ZNF721: variants seen among roughly 807,000 people sequenced by gnomAD.
ZNF721 encodes zinc finger protein 721.
Under a neutral mutation model 2.4 loss-of-function variants are expected in ZNF721, and 2 were observed. That is an observed-to-expected ratio of 0.82 (90% CI 0.34 to 2.58). The LOEUF (loss-of-function observed/expected upper bound fraction) is 2.58, where lower values mean the gene tolerates loss of function less well. Among genes scored for constraint, ZNF721 ranks in the 30% most tolerant of loss-of-function variants. The pLI, the probability that ZNF721 is intolerant of heterozygous loss-of-function variation, is 0.11. For missense variants in ZNF721, 1,187 were observed against 1,085.5 expected, an observed-to-expected ratio of 1.09 and a Z score of -1.31; for synonymous variants, 398 against 381.8, an observed-to-expected ratio of 1.04 and a Z score of -0.50.
At chr4:497,693 C>T (rs1360086649) in intron 1 of ZNF721, among the ~76,000 whole-genome samples, 1 of 146,980 alleles carries the variant, frequency 6.8e-6, no homozygotes, top group Middle Eastern at 3.4e-3. Context: ...TTGAGACCAT[C>T]CTGGCTAACA....
At chr4:450,974 T>A (rs371289751) in intron 2 of ZNF721, among the ~76,000 whole-genome samples, 9,957 of 108,730 alleles carry the variant, frequency 0.092, 1,268 homozygotes, top group Middle Eastern at 0.2. Context: ...TATATATATA[T>A]ATATATATAT....
At chr4:457,396 C>T (rs1420771264) in intron 2 of ZNF721, among the ~76,000 whole-genome samples, 5 of 152,088 alleles carry the variant, frequency 3.3e-5, no homozygotes, top group African/African-American at 1.2e-4. Flanking sequence ...AAAGACATGC[C>T]CTTGCTTGAG....
intron 2 of ZNF721, among the ~76,000 whole-genome samples, chr4:459,840 A>AG (rs1240962695): frequency 4.7e-4 from 70 of 149,496 alleles, no homozygotes; most frequent in Middle Eastern, 3.4e-3. Flanking sequence ...CAAAAAAAAA[A>AG]GGTGGGGGAG....
chr4:464,288 T>C (rs1259080674), intron 2 of ZNF721, among the ~76,000 whole-genome samples: 1 of 151,856 alleles, frequency 6.6e-6, no homozygotes, highest in African/African-American at 2.4e-5. Flanking sequence ...CTGGCCAACA[T>C]GGTGAAACCC....
At chr4:469,402 T>G (rs1715358514) in intron 2 of ZNF721, among the ~76,000 whole-genome samples, 1 of 152,098 alleles carries the variant, frequency 6.6e-6, no homozygotes, top group African/African-American at 2.4e-5. Context: ...ATCTAGTGTA[T>G]AACAATAAAT....
At chr4:480,429 T>G (rs999539491) in intron 1 of ZNF721, among the ~76,000 whole-genome samples, 1 of 152,158 alleles carries the variant, frequency 6.6e-6, no homozygotes, top group South Asian at 2.1e-4. Flanking sequence ...AAAACATTGG[T>G]CATCTTTTAT....
chr4:481,443 T>C (rs1186676685), intron 1 of ZNF721, among the ~76,000 whole-genome samples: 2 of 152,250 alleles, frequency 1.3e-5, no homozygotes, highest in Non-Finnish European at 2.9e-5. Context: ...GATTATTTTT[T>C]CAAATGTCTC....
At chr4:487,841 A>T (rs1052216) in intron 1 of ZNF721, among the ~76,000 whole-genome samples, 3 of 149,988 alleles carry the variant, frequency 2.0e-5, no homozygotes, top group South Asian at 2.1e-4. Context: ...ACTTCCTACA[A>T]CTAAACCAAA....
Position 441,716 on chromosome 4 carries a change from T to TC in ZNF721, c.2750dup (p.Asp918ArgfsTer2), listed in dbSNP as rs1553863115. 3.1e-6 allele frequency: 5 copies of TC among 1,610,276 alleles called. No homozygotes were observed. The highest frequency in any genetic ancestry group is 3.4e-5 in the Admixed American group (2 of 59,344). On this transcript the variant is annotated frameshift_variant, in exon 3 of 3. Transcript: ENST00000511833. LOFTEE classifies it high-confidence loss of function. The stretch of plus-strand genomic sequence containing the variant: ...TTCTTTACACTTGTATGGTTTTATC[T>TC]CCAGTATGAATTTTCTTATGTGCAT...
At chr4:469,881 T>C (rs992779813) in intron 2 of ZNF721, among the ~76,000 whole-genome samples, 10 of 152,148 alleles carry the variant, frequency 6.6e-5, no homozygotes, top group Middle Eastern at 3.2e-3. Flanking sequence ...AACAAAAGAA[T>C]AAAAGTAGAA....
At chr4:461,253 C>T (rs1471767874) in intron 2 of ZNF721, among the ~76,000 whole-genome samples, 1 of 152,212 alleles carries the variant, frequency 6.6e-6, no homozygotes, top group Non-Finnish European at 1.5e-5. Flanking sequence ...AGCTTATCCG[C>T]CATGATCAAC....
rs1714380565 is a variant in ZNF721, at chr4:444,009, T to G, written c.458A>C (p.Asn153Thr). The part of the protein sequence containing the change: ...GKDFGWYTDL[N>T]QHKKIHTGEK... ...TCCAGTATGAATTTTCTTGTGTTGA[T>G]TCAGGTCTGTGTACCATCCAAAGTC... Residue 153 changes from asparagine (N) to threonine (T), a missense_variant, in exon 3 of 3, where the codon AAT becomes ACT. Physicochemically the swap from Asn to Thr is moderately conservative, Grantham distance 65. Coordinates refer to ENST00000511833, the MANE Select transcript of ZNF721 (RefSeq NM_133474.4). 1 of 1,613,666 alleles carries G rather than the reference T, an allele frequency of 6.2e-7. No homozygotes were observed. The highest frequency in any genetic ancestry group is 8.5e-7 in the Non-Finnish European group (1 of 1,179,742).
chr4:472,695 A>C lies in ZNF721; in HGVS notation c.-87T>G, dbSNP rs535979814. ...TCTATGGCCACATCCCTGAATGTTA[A>C]GGGTTCCTGAAAATACATATGTATC... On this transcript the variant is annotated 5_prime_UTR_variant, in exon 2 of 3. Coordinates refer to ENST00000511833, the MANE Select transcript of ZNF721 (RefSeq NM_133474.4). 1.3e-5 allele frequency: 21 copies of C among 1,612,274 alleles called. No homozygotes were observed. In the African/African-American group the frequency reaches 1.5e-4, roughly 11 times the overall value.
rs1715136259 is a variant in ZNF721, at chr4:463,562, A to AATGCT, written c.34+9008_34+9012dup. ...AAAATGTGGCACATATACACCATGGAATGCTATGGAGCCATAAAAAAGGAT... is the reference window on the plus strand; with the variant it reads ...AAAATGTGGCACATATACACCATGGAATGCTATGCTATGGAGCCATAAAAAAGGAT... On this transcript the variant is annotated intron_variant, in intron 2 of 2. Coordinates refer to ENST00000511833, the MANE Select transcript of ZNF721 (RefSeq NM_133474.4). Among the ~76,000 whole-genome samples the AATGCT allele has an allele frequency of 2.6e-5, 4 of 152,206 alleles. No homozygotes were observed. In the South Asian group the frequency reaches 8.3e-4, roughly 31 times the overall value.
At chr4:477,027 T>C (rs1377327098) in intron 1 of ZNF721, among the ~76,000 whole-genome samples, 1 of 152,156 alleles carries the variant, frequency 6.6e-6, no homozygotes, top group Non-Finnish European at 1.5e-5. Flanking sequence ...TGTTTGTTTT[T>C]CCTCACTCCT....
chr4:451,041 G>C (rs1024122605), intron 2 of ZNF721, among the ~76,000 whole-genome samples: 1 of 137,952 alleles, frequency 7.2e-6, no homozygotes, highest in Non-Finnish European at 1.5e-5. Context: ...GTTTACACAA[G>C]CATGTTCATT....
intron 1 of ZNF721, among the ~76,000 whole-genome samples, chr4:490,727 G>A (rs1715998962): frequency 6.6e-6 from 1 of 152,168 alleles, no homozygotes; most frequent in African/African-American, 2.4e-5. Flanking sequence ...AAGTGTGTGT[G>A]TGTGCACGTG....
intron 2 of ZNF721, among the ~76,000 whole-genome samples, chr4:465,432 T>A (rs1553866620): frequency 7.7e-6 from 1 of 129,788 alleles, no homozygotes; most frequent in Non-Finnish European, 1.5e-5. Context: ...GCTTTTGTTT[T>A]TTGTTTTTTT....
chr4:484,391 A>G (rs1466936761), intron 1 of ZNF721, among the ~76,000 whole-genome samples: 2 of 152,374 alleles, frequency 1.3e-5, no homozygotes, highest in South Asian at 4.1e-4. Flanking sequence ...ACAGGATAAC[A>G]GCAGTTGTTC....
Sources: gnomAD v4.1 joint callset for allele counts (sites outside exome capture counted in the v4.1 genomes callset) on GRCh38, gnomAD v4.1.1 for gene constraint, MANE v1.5 for transcripts, NCBI Gene and HGNC (gene_info 2026-07-23, HGNC 2026-07-21) for gene names.